CWC27: variants seen among roughly 807,000 people sequenced by gnomAD.
CWC27 encodes spliceosome-associated protein CWC27 homolog.
CWC27 carries 47 observed loss-of-function variants against 63.6 expected under a neutral mutation model. The ratio of observed to expected loss-of-function variants is 0.74; its 90% CI spans 0.58 to 0.94. The LOEUF is 0.94. Ranked by LOEUF, CWC27 falls within the 40% of genes least tolerant of loss-of-function variation. The pLI is 0.00. For missense variants in CWC27, 495 were observed against 554.3 expected, an observed-to-expected ratio of 0.89 and a Z score of 1.07; for synonymous variants, 175 against 179.8, an observed-to-expected ratio of 0.97 and a Z score of 0.22.
intron 10 of CWC27, among the ~76,000 whole-genome samples, chr5:64,809,165 C>T (rs2112224797): frequency 6.6e-6 from 1 of 152,162 alleles, no homozygotes; most frequent in African/African-American, 2.4e-5. Flanking sequence ...TTTTAATTGA[C>T]AAATAGTAAT....
chr5:64,826,530 A>C (rs978033759), intron 10 of CWC27, among the ~76,000 whole-genome samples: 1 of 152,140 alleles, frequency 6.6e-6, no homozygotes, highest in African/African-American at 2.4e-5. Flanking sequence ...TTAGACTTGC[A>C]TGTTAATGTT....
chr5:64,774,204 G>C (rs1244874845), intron 1 of CWC27, among the ~76,000 whole-genome samples: 1 of 152,046 alleles, frequency 6.6e-6, no homozygotes, highest in Non-Finnish European at 1.5e-5. Flanking sequence ...CATCCAGGCT[G>C]GAATATAGTG....
At chr5:65,016,491 A>G (rs1279150503) in intron 13 of CWC27, among the ~76,000 whole-genome samples, 1 of 152,064 alleles carries the variant, frequency 6.6e-6, no homozygotes, top group African/African-American at 2.4e-5. Context: ...TAATAATAAT[A>G]ATGAAGTATA....
At chr5:64,968,429 G>A (rs866813325) in intron 11 of CWC27, among the ~76,000 whole-genome samples, 2 of 152,158 alleles carry the variant, frequency 1.3e-5, no homozygotes, top group South Asian at 2.1e-4. Context: ...ACAAACTTGT[G>A]TGTGTAAATG....
chr5:64,988,477 C>T (rs907472441), intron 13 of CWC27, among the ~76,000 whole-genome samples: 3 of 152,130 alleles, frequency 2.0e-5, no homozygotes, highest in Non-Finnish European at 4.4e-5. Context: ...GCCACAAGTT[C>T]TGATCACCCT....
intron 2 of CWC27, among the ~76,000 whole-genome samples, chr5:64,778,114 A>C (rs1289423842): frequency 6.6e-6 from 1 of 152,200 alleles, no homozygotes; most frequent in Non-Finnish European, 1.5e-5. Flanking sequence ...CAAGTAATAA[A>C]GACCTCTTTC....
chr5:64,839,649 G>A (rs1289376604), intron 10 of CWC27, among the ~76,000 whole-genome samples: 1 of 152,144 alleles, frequency 6.6e-6, no homozygotes, highest in Non-Finnish European at 1.5e-5. Context: ...GTGTTGGGCT[G>A]GAATGTAGAG....
intron 10 of CWC27, among the ~76,000 whole-genome samples, chr5:64,860,767 A>G (rs1486453863): frequency 6.6e-6 from 1 of 152,210 alleles, no homozygotes; most frequent in African/African-American, 2.4e-5. Flanking sequence ...CTTTATCTGC[A>G]GAGTTTGAAA....
chr5:65,016,760 G>T (rs1233501519), intron 13 of CWC27, among the ~76,000 whole-genome samples: 1 of 152,082 alleles, frequency 6.6e-6, no homozygotes, highest in Non-Finnish European at 1.5e-5. Context: ...ATACCCATGT[G>T]AGTTTGCCAC....
chr5:64,909,805 T>C (rs1053876036), intron 11 of CWC27, among the ~76,000 whole-genome samples: 2 of 152,182 alleles, frequency 1.3e-5, no homozygotes, highest in African/African-American at 4.8e-5. Context: ...CTCTGTGCTG[T>C]TTATTCTAGT....
chr5:64,828,430 AT>A (rs368735497), intron 10 of CWC27, among the ~76,000 whole-genome samples: 91 of 150,348 alleles, frequency 6.1e-4, no homozygotes, highest in African/African-American at 2.1e-3. Flanking sequence ...AAATAACTGA[AT>A]TTTTTTTTTC....
At chr5:64,790,674 G>A (rs1309160668) in intron 7 of CWC27, among the ~76,000 whole-genome samples, 1 of 151,830 alleles carries the variant, frequency 6.6e-6, no homozygotes, top group Non-Finnish European at 1.5e-5. Context: ...ACCTCCCCCT[G>A]CCACTGAACT....
chr5:64,828,072 A>G (rs1273990122), intron 10 of CWC27, among the ~76,000 whole-genome samples: 1 of 152,146 alleles, frequency 6.6e-6, no homozygotes, highest in Non-Finnish European at 1.5e-5. Context: ...GGAGTCTTGG[A>G]ATGTATCCCT....
chr5:64,919,930 G>A (rs1215306655), intron 11 of CWC27, among the ~76,000 whole-genome samples: 1 of 152,182 alleles, frequency 6.6e-6, no homozygotes, highest in Non-Finnish European at 1.5e-5. Context: ...TTACCCAATA[G>A]TGGGATTGCT....
At chr5:64,936,680 C>T (rs1351046805) in intron 11 of CWC27, among the ~76,000 whole-genome samples, 1 of 152,070 alleles carries the variant, frequency 6.6e-6, no homozygotes, top group Non-Finnish European at 1.5e-5. Flanking sequence ...AATGGTACCA[C>T]CTCGTCTTTG....
chr5:64,804,244 A>G lies in CWC27; in HGVS notation c.796A>G (p.Ser266Gly), dbSNP rs1318855120. The change falls in exon 10 of 14, where the codon AGT becomes GGT. Residue 266 changes from serine (S) to glycine (G), a missense_variant. Ser to Gly is a moderately conservative substitution (Grantham distance 56, BLOSUM62 0). Around this residue, in one of 3 missense-constraint regions of CWC27, gnomAD observed 463 missense variants for 498.1 expected, o/e 0.93. Transcript: ENST00000381070. ...ATTTCTACAGGATGGAGAAGATGAA[A>G]GTGCAGAGCATGATGAATATATTGA... ...PDLVDDGEDE[S>G]AEHDEYIDGD... 3 of 1,605,946 alleles carry G rather than the reference A, an allele frequency of 1.9e-6. No individual in the cohort carries two copies. In the African/African-American group the frequency reaches 4.0e-5, roughly 22 times the overall value.
At chr5:64,863,396 TCTC>T (rs949896898) in intron 10 of CWC27, among the ~76,000 whole-genome samples, 1 of 151,984 alleles carries the variant, frequency 6.6e-6, no homozygotes, top group African/African-American at 2.4e-5. Context: ...GTTTCTTTTC[TCTC>T]CTCCTCTGTT....
At chr5:64,952,952 T>G (rs1032541550) in intron 11 of CWC27, among the ~76,000 whole-genome samples, 2 of 152,138 alleles carry the variant, frequency 1.3e-5, no homozygotes, top group African/African-American at 4.8e-5. Flanking sequence ...AATACGTTTT[T>G]TGTACTTTCC....
At chr5:64,861,469 T>C (rs913019754) in intron 10 of CWC27, among the ~76,000 whole-genome samples, 75 of 152,198 alleles carry the variant, frequency 4.9e-4, no homozygotes, top group African/African-American at 1.8e-3. Context: ...CTTATACTTA[T>C]GTGTAAGTGA....
Sources: allele counts gnomAD v4.1 joint callset (sites outside exome capture counted in the v4.1 genomes callset), GRCh38; gene constraint gnomAD v4.1.1; regional missense constraint gnomAD v4.1.1; transcripts MANE v1.5; gene names NCBI Gene and HGNC (gene_info 2026-07-23, HGNC 2026-07-21).